Variants in PCDH7 observed in about 807,000 individuals in gnomAD.
PCDH7 encodes protocadherin 7, also known as protocadherin-7.
A neutral mutation model predicts 58.9 loss-of-function variants in PCDH7; 17 were observed. That is an observed-to-expected ratio of 0.29 (90% CI 0.20 to 0.43). The LOEUF (loss-of-function observed/expected upper bound fraction) is 0.43. Ranked by LOEUF, PCDH7 falls within the 20% of genes least tolerant of loss-of-function variation. PCDH7 has a pLI of 1.00. For missense variants in PCDH7, 1,274 were observed against 1,441.0 expected (o/e 0.88, Z 1.88); for synonymous variants, 664 against 616.4 (o/e 1.08, Z -1.14).
intron 3 of PCDH7, among the ~76,000 whole-genome samples, chr4:31,102,701 G>A (rs1673055715): frequency 1.3e-5 from 2 of 151,900 alleles, no homozygotes; most frequent in Middle Eastern, 3.2e-3. Flanking sequence ...CTTATGAAAG[G>A]TGTAGAAAGG....
At chr4:30,865,793 G>C (rs1226046656) in intron 1 of PCDH7, among the ~76,000 whole-genome samples, 1 of 152,052 alleles carries the variant, frequency 6.6e-6, no homozygotes, top group Non-Finnish European at 1.5e-5. Context: ...TTAAGAACCA[G>C]TGGAAGTAGC....
chr4:31,052,076 G>A (rs1376600165), intron 3 of PCDH7, among the ~76,000 whole-genome samples: 3 of 152,030 alleles, frequency 2.0e-5, no homozygotes, highest in Admixed American at 1.3e-4. Context: ...GGCTAATATT[G>A]CTCTGTGGTT....
chr4:30,919,495 T>C lies in PCDH7; in HGVS notation c.71-658T>C, dbSNP rs117317931. 3.6e-4 allele frequency among the ~76,000 whole-genome samples: 55 copies of C among 152,304 alleles called. No individual in the cohort carries two copies. The East Asian group carries it at 7.5e-3, about 21-fold the overall frequency. On this transcript the variant is annotated intron_variant, in intron 1 of 3. Coordinates refer to the PCDH7 transcript ENST00000509759. ...ATCACAAACAGTAATATTAAGAACA[T>C]ACAATTAAACTTTATAGTTTATTTC... is the stretch of plus-strand genomic sequence containing the variant.
At chr4:31,142,405 T>G in intron 3 of PCDH7, 68 bp from the exon 3 acceptor site, 1 of 1,229,250 alleles carries the variant, frequency 8.1e-7, no homozygotes, top group Admixed American at 2.6e-5. Context: ...TTCCTCTAAT[T>G]TCATATAGAT....
Position 30,722,054 on chromosome 4 carries a change from G to T in PCDH7, c.632G>T (p.Gly211Val). The T allele has an allele frequency of 1.6e-6, 2 of 1,239,660 alleles. No individual in the cohort carries two copies. Among genetic ancestry groups the T allele is most frequent in the Non-Finnish European group, 2.0e-6 (2 of 993,990 alleles). 76.8% of individuals were successfully genotyped at this position (1,239,660 alleles called of 1,614,324 possible). ...AGCGCCCCCTACCCCGGGGGCGGCGGGAACGGCGCGAGCGGCGGCGGCTCG... is the reference window on the plus strand; with the variant it reads ...AGCGCCCCCTACCCCGGGGGCGGCGTGAACGGCGCGAGCGGCGGCGGCTCG... Residue 211 changes from glycine (G) to valine (V), a missense_variant, in exon 1 of 2, where the codon GGG becomes GTG. Physicochemically the swap from Gly to Val is moderately radical, Grantham distance 109. Transcript: ENST00000361762. This position sits in a 1 kb window ranked among gnomAD's most constrained non-coding sequence, Gnocchi z 7.6.
chr4:30,894,995 A>T (rs1290767654), intron 1 of PCDH7, among the ~76,000 whole-genome samples: 1 of 151,940 alleles, frequency 6.6e-6, no homozygotes, highest in Non-Finnish European at 1.5e-5. Context: ...TGTTATTTTT[A>T]TCATAGTATT....
chr4:30,799,012 C>A (rs1369340487), intron 1 of PCDH7, among the ~76,000 whole-genome samples: 1 of 152,158 alleles, frequency 6.6e-6, no homozygotes, highest in African/African-American at 2.4e-5. Flanking sequence ...TAAAACAATT[C>A]ATATGATTTC....
At chr4:31,076,673 C>T (rs1759020403) in intron 3 of PCDH7, among the ~76,000 whole-genome samples, 1 of 152,126 alleles carries the variant, frequency 6.6e-6, no homozygotes, top group African/African-American at 2.4e-5. Context: ...ACTTTTTCAG[C>T]ATCTCAACAT....
intron 1 of PCDH7, among the ~76,000 whole-genome samples, chr4:30,749,348 T>G (rs1293059602): frequency 1.3e-5 from 2 of 152,184 alleles, no homozygotes; most frequent in African/African-American, 4.8e-5. Flanking sequence ...GTCTGTGTCT[T>G]GTATGAATGA....
At chr4:30,968,417 G>GATATAT (rs1560541749) in intron 3 of PCDH7, among the ~76,000 whole-genome samples, 267 of 20,916 alleles carry the variant, frequency 0.013, 19 homozygotes, top group African/African-American at 0.035. Flanking sequence ...TATATATATG[G>GATATAT]GATATTATGT....
intron 1 of PCDH7, among the ~76,000 whole-genome samples, chr4:30,787,909 A>C (rs1723620092): frequency 6.6e-6 from 1 of 152,114 alleles, no homozygotes; most frequent in Admixed American, 6.6e-5. Flanking sequence ...ATTATTATTC[A>C]CAAAGGAAGC....
chr4:30,858,613 C>G (rs1187070321), intron 1 of PCDH7, among the ~76,000 whole-genome samples: 1 of 152,140 alleles, frequency 6.6e-6, no homozygotes, highest in Non-Finnish European at 1.5e-5. Context: ...AAATACCTTT[C>G]TGCACATATA....
At chr4:30,767,385 A>T (rs1302009462) in intron 1 of PCDH7, among the ~76,000 whole-genome samples, 1 of 152,186 alleles carries the variant, frequency 6.6e-6, no homozygotes, top group African/African-American at 2.4e-5. Context: ...AGGGACCCCT[A>T]GGGAAAATTT....
intron 3 of PCDH7, among the ~76,000 whole-genome samples, chr4:31,004,091 T>G (rs1001628777): frequency 1.3e-5 from 2 of 152,168 alleles, no homozygotes; most frequent in Non-Finnish European, 2.9e-5. Context: ...GAGGTTTTAC[T>G]TCACAGCTAT....
chr4:30,752,801 AAGAAAG>A (rs1718740562), intron 1 of PCDH7, among the ~76,000 whole-genome samples: 1 of 143,102 alleles, frequency 7.0e-6, no homozygotes. Context: ...AAAAAAAAAA[AAGAAAG>A]AAAAAGAAAA....
intron 1 of PCDH7, among the ~76,000 whole-genome samples, chr4:30,838,666 AT>A (rs200689890): frequency 6.6e-6 from 1 of 151,664 alleles, no homozygotes; most frequent in South Asian, 2.1e-4. Context: ...CCGTCTTTGT[AT>A]TTTTTTTCTT....
chr4:30,974,524 T>C (rs1749894107), intron 3 of PCDH7, among the ~76,000 whole-genome samples: 1 of 152,120 alleles, frequency 6.6e-6, no homozygotes, highest in Non-Finnish European at 1.5e-5. Context: ...TAAGAAATAG[T>C]GGAAGCTGTC....
In PCDH7 at chr4:30,959,246, CTT is replaced by C. The variant is rs35379459; in HGVS notation, c.*7+9043_*7+9044del. Among the ~76,000 whole-genome samples, 44 of 143,912 alleles carry C rather than the reference CTT, an allele frequency of 3.1e-4. No individual in the cohort carries two copies. In the South Asian group the frequency reaches 3.3e-3, roughly 11 times the overall value. The allele number at this position is 143,912 out of a possible 152,430, so 94.4% of individuals were successfully genotyped here. On this transcript the variant is annotated intron_variant, in intron 3 of 3. Coordinates refer to the PCDH7 transcript ENST00000509759. ...AGGAACATTTTAGCAATTGGAAAGT[CTT>C]TTTTTTTTTTTAAGCCAAACATTTA... is the stretch of plus-strand genomic sequence containing the variant.
At chr4:30,745,914 AC>A (rs1717719339) in intron 1 of PCDH7, among the ~76,000 whole-genome samples, 1 of 152,040 alleles carries the variant, frequency 6.6e-6, no homozygotes, top group Non-Finnish European at 1.5e-5. Context: ...ATCTCAGCTC[AC>A]TGCAACCTCT....
Sources: gnomAD v4.1 joint callset for allele counts (sites outside exome capture counted in the v4.1 genomes callset) on GRCh38, gnomAD v4.1.1 for gene constraint, Gnocchi (gnomAD v3.1) non-coding constraint, MANE v1.5 for transcripts, NCBI Gene and HGNC (gene_info 2026-07-23, HGNC 2026-07-21) for gene names.